Variants in SH3KBP1 observed in about 807,000 individuals in gnomAD.
The protein encoded by SH3KBP1 is SH3 domain-containing kinase-binding protein 1.
A neutral mutation model predicts 50.1 loss-of-function variants in SH3KBP1; 8 were observed. The ratio of observed to expected loss-of-function variants is 0.16; its 90% CI spans 0.09 to 0.29. The LOEUF (loss-of-function observed/expected upper bound fraction) is 0.29. Ranked by LOEUF, SH3KBP1 falls within the 10% of genes least tolerant of loss-of-function variation. The pLI is 1.00. For missense variants in SH3KBP1, 377 were observed against 535.2 expected, an observed-to-expected ratio of 0.70 and a Z score of 2.92; for synonymous variants, 227 against 218.6, an observed-to-expected ratio of 1.04 and a Z score of -0.34.
chrX:19,801,562 AAAAGGAGAAATTAC>A (rs2066892332), intron 2 of SH3KBP1, among the ~76,000 whole-genome samples: 1 of 111,883 alleles, frequency 8.9e-6, no homozygotes, highest in African/African-American at 3.3e-5. Flanking sequence ...TCCTTAAAGA[AAAAGGAGAAATTAC>A]AAAGGTGAGT....
intron 3 of SH3KBP1, 101 bp downstream of exon 3, chrX:19,746,215 ACT>A: frequency 2.0e-6 from 2 of 996,898 alleles, no homozygotes; most frequent in Middle Eastern, 2.7e-4. Context: ...AAAAGGACAA[ACT>A]CTATTCAATT....
At chrX:19,873,202 G>T (rs1461642575) in intron 1 of SH3KBP1, among the ~76,000 whole-genome samples, 1 of 104,299 alleles carries the variant, frequency 9.6e-6, no homozygotes, top group African/African-American at 3.5e-5. Context: ...AAATTAAGAT[G>T]CATGAACTCA....
chrX:19,717,002 C>T (rs1450633400), intron 3 of SH3KBP1, among the ~76,000 whole-genome samples: 1 of 110,186 alleles, frequency 9.1e-6, no homozygotes, highest in African/African-American at 3.3e-5. Flanking sequence ...GTGATGAGGA[C>T]AGGGATCCAG....
At chrX:19,565,497 CA>C (rs1253711006) in intron 13 of SH3KBP1, among the ~76,000 whole-genome samples, 1 of 111,524 alleles carries the variant, frequency 9.0e-6, no homozygotes, top group African/African-American at 3.3e-5. Flanking sequence ...AAAAAATAGA[CA>C]AAACATTTAG....
At chrX:19,724,323 T>C (rs923034156) in intron 3 of SH3KBP1, among the ~76,000 whole-genome samples, 1 of 112,563 alleles carries the variant, frequency 8.9e-6, no homozygotes, top group Non-Finnish European at 1.9e-5. Flanking sequence ...ACAATAATTT[T>C]TGTCAGCATT....
chrX:19,588,373 T>C, intron 12 of SH3KBP1: 1 of 1,089,125 alleles, frequency 9.2e-7, no homozygotes, highest in Non-Finnish European at 1.2e-6. Context: ...GAAAAACCCC[T>C]GTGTGTGAGC....
At chrX:19,698,987 T>C (rs2063485303) in intron 4 of SH3KBP1, among the ~76,000 whole-genome samples, 1 of 111,787 alleles carries the variant, frequency 8.9e-6, no homozygotes, top group Non-Finnish European at 1.9e-5. Flanking sequence ...CAGAAAAAGG[T>C]TTCCTTCCTG....
chrX:19,684,864 C>A (rs768181273), intron 5 of SH3KBP1, among the ~76,000 whole-genome samples: 54 of 112,301 alleles, frequency 4.8e-4, no homozygotes, highest in Admixed American at 1.5e-3. Context: ...ATTAGCAAGA[C>A]AACATGGACA....
chrX:19,764,038 A>G (rs1350977278), intron 2 of SH3KBP1, among the ~76,000 whole-genome samples: 9 of 106,374 alleles, frequency 8.5e-5, no homozygotes, highest in Non-Finnish European at 5.8e-5. Flanking sequence ...AAAAAAAAGT[A>G]CAAAATACCC....
chrX:19,605,166 C>A (rs1309894151), intron 9 of SH3KBP1, among the ~76,000 whole-genome samples: 2 of 106,625 alleles, frequency 1.9e-5, no homozygotes, highest in Non-Finnish European at 3.9e-5. Flanking sequence ...GAATTTACTG[C>A]CCCCCCCCAA....
At chrX:19,751,823 C>A (rs1303282330) in intron 2 of SH3KBP1, among the ~76,000 whole-genome samples, 1 of 112,142 alleles carries the variant, frequency 8.9e-6, no homozygotes, top group Non-Finnish European at 1.9e-5. Context: ...AAATTCACGA[C>A]ACATTCAGCG....
rs761062920 is a variant in SH3KBP1 at position 19,707,147 on chromosome X, G to A, written c.287-163C>T. 4.7e-4 allele frequency: 262 copies of A among 555,051 alleles called. 1 individual carries two copies. The highest frequency in any genetic ancestry group is 4.1e-3 in the African/African-American group (181 of 44,691). 45.7% of individuals were successfully genotyped at this position (555,051 alleles called of 1,213,427 possible). On this transcript the variant is annotated intron_variant, in intron 3 of 17. Coordinates refer to ENST00000397821, the MANE Select transcript of SH3KBP1 (RefSeq NM_031892.3). ...AGCCCTGGTCTCTTAGAGAGAGGCAGTAGAAAGCAGAGCAATGCTTCTTGG... is the reference window on the plus strand; with the variant it reads ...AGCCCTGGTCTCTTAGAGAGAGGCAATAGAAAGCAGAGCAATGCTTCTTGG...
intron 2 of SH3KBP1, among the ~76,000 whole-genome samples, chrX:19,800,415 A>T (rs1329139157): frequency 8.9e-6 from 1 of 112,435 alleles, no homozygotes; most frequent in Non-Finnish European, 1.9e-5. Context: ...TAATTCAAAT[A>T]CTGACATAGT....
chrX:19,868,082 C>CTACT, intron 1 of SH3KBP1, among the ~76,000 whole-genome samples: 1 of 111,666 alleles, frequency 9.0e-6, no homozygotes, highest in African/African-American at 3.3e-5. Context: ...ATTTGTCTAC[C>CTACT]TACTATGTGC....
At chrX:19,696,661 T>A (rs1162336011) in intron 4 of SH3KBP1, among the ~76,000 whole-genome samples, 2 of 111,163 alleles carry the variant, frequency 1.8e-5, no homozygotes, top group African/African-American at 6.6e-5. Flanking sequence ...CGTAAAAAAA[T>A]TGGCCCTGGA....
chrX:19,726,919 TTAAC>T (rs748996439), intron 3 of SH3KBP1, among the ~76,000 whole-genome samples: 21 of 112,191 alleles, frequency 1.9e-4, no homozygotes, highest in African/African-American at 6.8e-4. Flanking sequence ...ATGTTTATCT[TTAAC>T]TAACAAATAA....
At chrX:19,712,956 G>A (rs1018707016) in intron 3 of SH3KBP1, among the ~76,000 whole-genome samples, 2 of 111,707 alleles carry the variant, frequency 1.8e-5, no homozygotes, top group East Asian at 2.8e-4. Flanking sequence ...AGGCATGGTC[G>A]CTCAAGCCTG....
rs527449099 is a variant in SH3KBP1, at chrX:19,839,915, T to C, written c.5-3633A>G. 8.0e-5 allele frequency among the ~76,000 whole-genome samples: 9 copies of C among 112,363 alleles called. No homozygotes were observed. In the South Asian group the frequency reaches 3.3e-3, roughly 41 times the overall value. On this transcript the variant is annotated intron_variant, in intron 1 of 17. Coordinates refer to ENST00000397821, the MANE Select transcript of SH3KBP1 (RefSeq NM_031892.3). ...CCACTCAGCTTGCATTTTATGATGA[T>C]AGACCGTTCCCAGCCCAACAAAGGT... is the stretch of plus-strand genomic sequence containing the variant.
At chrX:19,670,635 G>C (rs1258797346) in intron 6 of SH3KBP1, among the ~76,000 whole-genome samples, 2 of 109,989 alleles carry the variant, frequency 1.8e-5, no homozygotes, top group African/African-American at 6.7e-5. Context: ...CGGCTAAATA[G>C]CTCCAGAGTG....
Sources: gnomAD v4.1 joint callset for allele counts (sites outside exome capture counted in the v4.1 genomes callset) on GRCh38, gnomAD v4.1.1 for gene constraint, MANE v1.5 for transcripts, NCBI Gene and HGNC (gene_info 2026-07-23, HGNC 2026-07-21) for gene names.